Variants in CPA4 observed in about 807,000 individuals in gnomAD.
CPA4 encodes the protein carboxypeptidase A4.
A neutral mutation model predicts 54.7 loss-of-function variants in CPA4; 49 were observed. That is an observed-to-expected ratio of 0.90 (90% confidence interval 0.71 to 1.14). The LOEUF (loss-of-function observed/expected upper bound fraction) is 1.14, where lower values mean the gene tolerates loss of function less well. Ranked by LOEUF, CPA4 falls within the 50% of genes most tolerant of loss-of-function variation. The pLI, the probability that CPA4 is intolerant of heterozygous loss-of-function variation, is 0.00. For synonymous variants in CPA4, 215 were observed against 206.8 expected, an observed-to-expected ratio of 1.04 and a Z score of -0.34; for missense variants, 487 against 525.1, an observed-to-expected ratio of 0.93 and a Z score of 0.71.
chr7:130,297,420 G>C (rs550106531), intron 1 of CPA4, among the ~76,000 whole-genome samples: 1 of 152,252 alleles, frequency 6.6e-6, no homozygotes, highest in African/African-American at 2.4e-5. Flanking sequence ...CAGGGCCCTC[G>C]GCAGTGCCCA....
intron 9 of CPA4, among the ~76,000 whole-genome samples, chr7:130,311,791 C>G (rs1793918401): frequency 6.6e-6 from 1 of 152,148 alleles, no homozygotes; most frequent in Non-Finnish European, 1.5e-5. Flanking sequence ...CTTCCACTTC[C>G]CTCCTCATCT....
Position 130,322,927 on chromosome 7 carries a change from A to C in CPA4, c.*251A>C. ...GAGCCTTTTGTCTGTTTCTCCTTCCACCCTGCTGGCTGGGCGGCTGCACTC... is the reference window on the plus strand; with the variant it reads ...GAGCCTTTTGTCTGTTTCTCCTTCCCCCCTGCTGGCTGGGCGGCTGCACTC... On this transcript the variant is annotated 3_prime_UTR_variant, in exon 11 of 11. Coordinates refer to ENST00000222482, the MANE Select transcript of CPA4 (RefSeq NM_016352.4). The C allele has an allele frequency of 1.3e-5, 5 of 392,238 alleles. No individual in the cohort carries two copies. The highest frequency in any genetic ancestry group is 2.3e-5 in the Non-Finnish European group (5 of 219,432). The allele number at this position is 392,238 out of a possible 1,614,324, so 24.3% of individuals were successfully genotyped here.
At chr7:130,296,865 G>A (rs1793658338) in intron 1 of CPA4, among the ~76,000 whole-genome samples, 1 of 151,248 alleles carries the variant, frequency 6.6e-6, no homozygotes, top group South Asian at 2.1e-4. Flanking sequence ...GTTGGAGGTA[G>A]GTTATGATAG....
chr7:130,305,835 T>A lies in CPA4; in HGVS notation c.506T>A (p.Val169Glu). 1 of 1,614,100 alleles carries A rather than the reference T, an allele frequency of 6.2e-7. No individual in the cohort carries two copies. Among genetic ancestry groups the A allele is most frequent in the Non-Finnish European group, 8.5e-7 (1 of 1,179,994 alleles). The change falls in exon 6 of 11, where the codon GTG (valine) becomes GAG (glutamate). Residue 169 changes from valine to glutamate, a missense_variant. Val to Glu is a moderately radical substitution (Grantham distance 121, BLOSUM62 -2). Coordinates refer to ENST00000222482, the MANE Select transcript of CPA4 (RefSeq NM_016352.4). Reference sequence around the variant, plus strand: ...CTGCAGTTCAGCACTGGGAAAGGCGTGAGGCGGCCGGCCGTTTGGCTGAAT... The same window carrying A: ...CTGCAGTTCAGCACTGGGAAAGGCGAGAGGCGGCCGGCCGTTTGGCTGAAT... ...YVLKFSTGKG[V>E]RRPAVWLNAG...
intron 7 of CPA4, chr7:130,308,076 TA>T: frequency 3.6e-6 from 2 of 559,414 alleles, no homozygotes; most frequent in Non-Finnish European, 6.4e-6. Context: ...TTCTAGCATA[TA>T]AAGGTCTCAT....
intron 6 of CPA4, 172 bp downstream of exon 6, chr7:130,306,092 A>G (rs1793816483): frequency 4.9e-6 from 3 of 608,052 alleles, no homozygotes; most frequent in East Asian, 5.5e-5. Flanking sequence ...TGGTCAGCTC[A>G]CTGCGGCCAA....
At chr7:130,317,331 T>A (rs1440259541) in intron 10 of CPA4, among the ~76,000 whole-genome samples, 1 of 152,230 alleles carries the variant, frequency 6.6e-6, no homozygotes, top group East Asian at 1.9e-4. Flanking sequence ...AGGTGTGCAG[T>A]ATGTTATACC....
chr7:130,320,248 T>C (rs1381487914), intron 10 of CPA4, among the ~76,000 whole-genome samples: 2 of 152,210 alleles, frequency 1.3e-5, no homozygotes, highest in African/African-American at 4.8e-5. Context: ...GTTAATAGTG[T>C]GTTCCCATTT....
At chr7:130,297,305 AG>A (rs1793665051) in intron 1 of CPA4, among the ~76,000 whole-genome samples, 1 of 152,152 alleles carries the variant, frequency 6.6e-6, no homozygotes, top group Admixed American at 6.5e-5. Context: ...TGCCGAGGTC[AG>A]GGAACGATCA....
In CPA4 at chr7:130,293,199, A is replaced by C; in HGVS notation, c.19A>C (p.Ile7Leu). 1 of 1,612,182 alleles carries C rather than the reference A, an allele frequency of 6.2e-7. No individual in the cohort carries two copies. Residue 7 changes from isoleucine (I) to leucine (L), a missense_variant, in exon 1 of 11, where the codon ATT becomes CTT. Transcript: ENST00000222482. Reference protein sequence around the residue: MRWILFIGALIGSSICG... With the variant: MRWILFLGALIGSSICG... ...CGGGGACATGAGGTGGATACTGTTC[A>C]TTGGGGCCCTTATTGGGTCCAGCAT...
chr7:130,306,712 T>G, intron 6 of CPA4, 75 bp from the exon 7 acceptor site: 9 of 866,964 alleles, frequency 1.0e-5, no homozygotes, highest in South Asian at 1.4e-5. Context: ...CTGGGCATCT[T>G]GAGAAGATAC....
chr7:130,300,333 ATTTTTTTT>A (rs767924823), intron 3 of CPA4, among the ~76,000 whole-genome samples: 1 of 124,434 alleles, frequency 8.0e-6, no homozygotes, highest in Non-Finnish European at 1.7e-5. Context: ...CAAGAAGTAA[ATTTTTTTT>A]TTTTTTTTTT....
rs1562931114 is a variant in CPA4, at chr7:130,310,453, C to T, written c.794-334C>T. On this transcript the variant is annotated intron_variant, in intron 8 of 10. Transcript: ENST00000222482. This position sits in a 1 kb window ranked among gnomAD's most constrained non-coding sequence, Gnocchi z 4.3. ...ACACCAGAATAAATGGAGTCATTTT[C>T]ATTATTTATTGGTATTCATATTAAT... is the stretch of plus-strand genomic sequence containing the variant. Among the ~76,000 whole-genome samples, 1 of 152,196 alleles carries T rather than the reference C, an allele frequency of 6.6e-6. No individual in the cohort carries two copies. The highest frequency in any genetic ancestry group is 1.5e-5 in the Non-Finnish European group (1 of 68,032).
chr7:130,304,668 C>T (rs1487310844), intron 5 of CPA4, 89 bp downstream of exon 5: 10 of 832,124 alleles, frequency 1.2e-5, no homozygotes, highest in East Asian at 2.4e-5. Flanking sequence ...TTTTTGAACT[C>T]CTTGACTTCA....
At chr7:130,305,307 G>T (rs1793802439) in intron 5 of CPA4, among the ~76,000 whole-genome samples, 1 of 152,142 alleles carries the variant, frequency 6.6e-6, no homozygotes, top group Non-Finnish European at 1.5e-5. Context: ...GGAGACCCTG[G>T]CTTCATTAGC....
chr7:130,316,614 A>T (rs939185584), intron 10 of CPA4, among the ~76,000 whole-genome samples: 1 of 152,164 alleles, frequency 6.6e-6, no homozygotes, highest in Non-Finnish European at 1.5e-5. Context: ...TTGTAATTAG[A>T]TCAGAGCATG....
chr7:130,321,617 G>A (rs1286526308), intron 10 of CPA4, among the ~76,000 whole-genome samples: 1 of 152,170 alleles, frequency 6.6e-6, no homozygotes, highest in Non-Finnish European at 1.5e-5. Context: ...TAATGGACTC[G>A]CAGTTCCACG....
chr7:130,296,930 T>C (rs1370532746), intron 1 of CPA4, among the ~76,000 whole-genome samples: 2 of 151,720 alleles, frequency 1.3e-5, no homozygotes, highest in African/African-American at 4.8e-5. Context: ...AGATTTCCTT[T>C]CTGTTTTTTA....
At chr7:130,300,135 T>A (rs1295008879) in intron 3 of CPA4, among the ~76,000 whole-genome samples, 1 of 152,166 alleles carries the variant, frequency 6.6e-6, no homozygotes, top group Non-Finnish European at 1.5e-5. Flanking sequence ...GCCAGGAACC[T>A]TCAAAGCACG....
Sources: allele counts gnomAD v4.1 joint callset (sites outside exome capture counted in the v4.1 genomes callset), GRCh38; gene constraint gnomAD v4.1.1; non-coding constraint Gnocchi (gnomAD v3.1); transcripts MANE v1.5; gene names NCBI Gene and HGNC (gene_info 2026-07-23, HGNC 2026-07-21).